USP12: variants seen among roughly 807,000 people sequenced by gnomAD.
USP12 encodes ubiquitin carboxyl-terminal hydrolase 12.
USP12 carries 19 observed loss-of-function variants against 45.5 expected under a neutral mutation model. The observed-to-expected ratio is 0.42, with a 90% CI of 0.29 to 0.61. The LOEUF is 0.61. Ranked by LOEUF, USP12 falls within the 20% of genes least tolerant of loss-of-function variation. The pLI is 0.22. For missense variants in USP12, 242 were observed against 447.7 expected (o/e 0.54, Z 4.15); for synonymous variants, 149 against 148.8 (o/e 1.00, Z -0.01).
chr13:27,149,996 G>T (rs2137830210), intron 1 of USP12, among the ~76,000 whole-genome samples: 1 of 152,352 alleles, frequency 6.6e-6, no homozygotes, highest in Non-Finnish European at 1.5e-5. Flanking sequence ...ACAGGCCACA[G>T]ATCAGGGGTT....
intron 1 of USP12, among the ~76,000 whole-genome samples, chr13:27,158,947 G>A (rs533549431): frequency 1.3e-5 from 2 of 152,160 alleles, no homozygotes; most frequent in Admixed American, 6.5e-5. Flanking sequence ...GGGGAGTGGG[G>A]GTGACACACA....
At chr13:27,162,614 T>C (rs1293702267) in intron 1 of USP12, among the ~76,000 whole-genome samples, 1 of 152,204 alleles carries the variant, frequency 6.6e-6, no homozygotes, top group Non-Finnish European at 1.5e-5. Flanking sequence ...AAAAATCTAT[T>C]GTTAATTTTC....
At chr13:27,092,122 AC>A (rs534087367) in intron 4 of USP12, among the ~76,000 whole-genome samples, 2 of 152,016 alleles carry the variant, frequency 1.3e-5, no homozygotes, top group Non-Finnish European at 2.9e-5. Context: ...GGTGCTTAGC[AC>A]CCCCCAAAAT....
At chr13:27,099,546 C>T (rs1317695304) in intron 3 of USP12, among the ~76,000 whole-genome samples, 1 of 152,154 alleles carries the variant, frequency 6.6e-6, no homozygotes, top group Non-Finnish European at 1.5e-5. Context: ...TAGTTCAAGT[C>T]ACCTCCCTTC....
intron 2 of USP12, 141 bp downstream of exon 2, chr13:27,116,375 C>A: frequency 1.7e-5 from 8 of 479,094 alleles, no homozygotes; most frequent in South Asian, 7.0e-5. Context: ...AAGATCATTT[C>A]AAAATTCCCA....
chr13:27,112,401 A>G (rs1875495717), intron 2 of USP12, among the ~76,000 whole-genome samples: 2 of 150,520 alleles, frequency 1.3e-5, no homozygotes, highest in South Asian at 2.1e-4. Flanking sequence ...CTCCCACCTC[A>G]GTCTGTGGAG....
At chr13:27,131,536 G>A (rs1193524200) in intron 1 of USP12, among the ~76,000 whole-genome samples, 1 of 152,204 alleles carries the variant, frequency 6.6e-6, no homozygotes, top group African/African-American at 2.4e-5. Flanking sequence ...CCCCAGTAGA[G>A]TGAAGTACCT....
At chr13:27,153,885 G>A (rs912820632) in intron 1 of USP12, among the ~76,000 whole-genome samples, 1 of 152,164 alleles carries the variant, frequency 6.6e-6, no homozygotes, top group Non-Finnish European at 1.5e-5. Flanking sequence ...GAAGTCTCTA[G>A]AAGTCCAGGC....
intron 4 of USP12, among the ~76,000 whole-genome samples, chr13:27,093,120 C>T (rs1874394964): frequency 6.6e-6 from 1 of 151,704 alleles, no homozygotes; most frequent in African/African-American, 2.4e-5. Context: ...CACTTGAACC[C>T]AGGAGGCAGA....
chr13:27,103,299 AT>A (rs1874956260), intron 3 of USP12, among the ~76,000 whole-genome samples: 1 of 152,208 alleles, frequency 6.6e-6, no homozygotes, highest in South Asian at 2.1e-4. Context: ...ATCCTCTTTG[AT>A]TTGTATATTC....
At chr13:27,124,063 A>G (rs969817864) in intron 1 of USP12, among the ~76,000 whole-genome samples, 1 of 152,234 alleles carries the variant, frequency 6.6e-6, no homozygotes, top group Non-Finnish European at 1.5e-5. Context: ...GCAAATAGGA[A>G]AAAAATAATC....
intron 3 of USP12, among the ~76,000 whole-genome samples, chr13:27,100,207 G>A (rs145176527): frequency 6.6e-6 from 1 of 152,228 alleles, no homozygotes; most frequent in African/African-American, 2.4e-5. Context: ...GCCCTTCAAT[G>A]CAATAATCCT....
chr13:27,155,231 G>A (rs1261364372), intron 1 of USP12, among the ~76,000 whole-genome samples: 3 of 151,632 alleles, frequency 2.0e-5, no homozygotes, highest in African/African-American at 7.3e-5. Flanking sequence ...ACAGGCGCGT[G>A]CCACCATGCC....
chr13:27,134,961 G>C (rs1042450141), intron 1 of USP12, among the ~76,000 whole-genome samples: 1 of 152,194 alleles, frequency 6.6e-6, no homozygotes, highest in African/African-American at 2.4e-5. Context: ...AGATGCTGAA[G>C]ATATCTATGA....
intron 1 of USP12, among the ~76,000 whole-genome samples, chr13:27,162,180 C>A (rs1257496308): frequency 2.6e-5 from 4 of 152,180 alleles, no homozygotes; most frequent in East Asian, 1.9e-4. Flanking sequence ...AGGACGTTCA[C>A]ATGTGTCATC....
chr13:27,121,993 A>T (rs1003537144), intron 1 of USP12, among the ~76,000 whole-genome samples: 1 of 152,214 alleles, frequency 6.6e-6, no homozygotes, highest in East Asian at 1.9e-4. Context: ...AAAAGAACTA[A>T]ATACAACTTC....
chr13:27,146,741 T>C (rs867794641), intron 1 of USP12, among the ~76,000 whole-genome samples: 2 of 152,240 alleles, frequency 1.3e-5, no homozygotes, highest in African/African-American at 2.4e-5. Context: ...CCGTTATGCA[T>C]TGAACTATGC....
At chr13:27,126,574 G>A (rs1876248158) in intron 1 of USP12, among the ~76,000 whole-genome samples, 1 of 152,144 alleles carries the variant, frequency 6.6e-6, no homozygotes. Context: ...GGGACTGGGT[G>A]ACAGCCTTCA....
intron 1 of USP12, among the ~76,000 whole-genome samples, chr13:27,135,434 C>T (rs556993549): frequency 1.2e-3 from 186 of 152,264 alleles, no homozygotes; most frequent in African/African-American, 4.3e-3. Flanking sequence ...CTATGGAGGC[C>T]GGGCATGCTG....
Sources: allele counts gnomAD v4.1 joint callset (sites outside exome capture counted in the v4.1 genomes callset), GRCh38; gene constraint gnomAD v4.1.1; transcripts MANE v1.5; gene names NCBI Gene and HGNC (gene_info 2026-07-23, HGNC 2026-07-21).